The following SLCO5A1 variants were observed in gnomAD, a reference collection of about 807,000 sequenced individuals.
The protein encoded by SLCO5A1 is solute carrier organic anion transporter family member 5A1.
In SLCO5A1, 39 loss-of-function variants were observed where a neutral mutation model predicts 65.1. That is an observed-to-expected ratio of 0.60 (90% confidence interval 0.46 to 0.78). The LOEUF (loss-of-function observed/expected upper bound fraction) is 0.78, where lower values mean the gene tolerates loss of function less well. Ranked by LOEUF, SLCO5A1 falls within the 30% of genes least tolerant of loss-of-function variation. The pLI is 0.00. For missense variants in SLCO5A1, 1,029 were observed against 1,069.4 expected, an observed-to-expected ratio of 0.96 and a Z score of 0.53; for synonymous variants, 438 against 415.7, an observed-to-expected ratio of 1.05 and a Z score of -0.65.
At chr8:69,691,473 T>C (rs1354054758) in intron 6 of SLCO5A1, among the ~76,000 whole-genome samples, 3 of 152,204 alleles carry the variant, frequency 2.0e-5, no homozygotes, top group Non-Finnish European at 4.4e-5. Context: ...ATTAAAACTA[T>C]ATGGCTCCTG....
chr8:69,822,223 C>T (rs978436113), intron 2 of SLCO5A1, among the ~76,000 whole-genome samples: 21 of 152,156 alleles, frequency 1.4e-4, no homozygotes, highest in South Asian at 6.2e-4. Flanking sequence ...CCATACATTC[C>T]GCCACAGTCC....
intron 9 of SLCO5A1, 39 bp from the exon 10 acceptor site, chr8:69,673,365 A>G: frequency 6.5e-7 from 1 of 1,541,924 alleles, no homozygotes; most frequent in Non-Finnish European, 8.9e-7. Context: ...AAGACTTAGC[A>G]CATCTTCCAA....
chr8:69,807,393 A>G (rs1039449187), intron 2 of SLCO5A1, among the ~76,000 whole-genome samples: 10 of 152,198 alleles, frequency 6.6e-5, no homozygotes, highest in African/African-American at 2.4e-4. Context: ...TTTCAGATAT[A>G]CAATACATTA....
At chr8:69,807,505 A>G (rs1820045279) in intron 2 of SLCO5A1, among the ~76,000 whole-genome samples, 1 of 151,970 alleles carries the variant, frequency 6.6e-6, no homozygotes, top group Non-Finnish European at 1.5e-5. Flanking sequence ...CCTTTTCCCC[A>G]TCCACTTCTG....
At chr8:69,799,846 GA>G (rs1819660695) in intron 2 of SLCO5A1, among the ~76,000 whole-genome samples, 1 of 152,198 alleles carries the variant, frequency 6.6e-6, no homozygotes, top group South Asian at 2.1e-4. Context: ...AACATGTGGG[GA>G]TTAGGGGAAC....
At chr8:69,731,189 G>A (rs1181258132) in intron 5 of SLCO5A1, among the ~76,000 whole-genome samples, 11 of 152,080 alleles carry the variant, frequency 7.2e-5, no homozygotes, top group Non-Finnish European at 1.3e-4. Context: ...TTGTAGAGAC[G>A]GGGTTTCGCC....
intron 2 of SLCO5A1, among the ~76,000 whole-genome samples, chr8:69,813,801 C>A (rs1239464955): frequency 2.0e-5 from 3 of 152,170 alleles, no homozygotes; most frequent in African/African-American, 7.2e-5. Context: ...AAACCACTAG[C>A]CTTACTCCTT....
intron 6 of SLCO5A1, among the ~76,000 whole-genome samples, chr8:69,697,427 C>T (rs116862601): frequency 0.011 from 1,704 of 152,076 alleles, 13 homozygotes; most frequent in South Asian, 0.051. Context: ...CACAGCTCTA[C>T]GAACAGTGCC....
intron 2 of SLCO5A1, among the ~76,000 whole-genome samples, chr8:69,775,821 C>T (rs1325872457): frequency 1.3e-5 from 2 of 152,044 alleles, no homozygotes; most frequent in Non-Finnish European, 2.9e-5. Flanking sequence ...GGAGACCAAG[C>T]TGGGCGACAT....
chr8:69,723,691 A>T (rs1490045301), intron 5 of SLCO5A1, among the ~76,000 whole-genome samples: 1 of 152,166 alleles, frequency 6.6e-6, no homozygotes, highest in African/African-American at 2.4e-5. Context: ...GAAGCCAAGG[A>T]GAGTTGTAAA....
At chr8:69,779,183 TG>T (rs1391092645) in intron 2 of SLCO5A1, among the ~76,000 whole-genome samples, 1 of 152,180 alleles carries the variant, frequency 6.6e-6, no homozygotes, top group Non-Finnish European at 1.5e-5. Context: ...GCATTTACTG[TG>T]TTCCAGGTAT....
rs77870635 is a variant in SLCO5A1 at position 69,800,133 on chromosome 8, T to C, written c.907+31634A>G. 5.1e-4 allele frequency among the ~76,000 whole-genome samples: 77 copies of C among 152,222 alleles called. No individual in the cohort carries two copies. In the East Asian group the frequency reaches 8.9e-3, roughly 18 times the overall value. On this transcript the variant is annotated intron_variant, in intron 2 of 9. Coordinates refer to ENST00000260126, the MANE Select transcript of SLCO5A1 (RefSeq NM_030958.3). ...ATTTTACATTATTCTGCTGAACTTC[T>C]ACTTGAACTTTTTGTCATTTTTCTT...
At chr8:69,758,337 G>A (rs1355785494) in intron 3 of SLCO5A1, among the ~76,000 whole-genome samples, 1 of 151,952 alleles carries the variant, frequency 6.6e-6, no homozygotes, top group Non-Finnish European at 1.5e-5. Context: ...CAGGCGCAGT[G>A]GCTAATTTTT....
At chr8:69,711,170 G>A (rs1433457071) in intron 5 of SLCO5A1, among the ~76,000 whole-genome samples, 2 of 152,104 alleles carry the variant, frequency 1.3e-5, no homozygotes, top group African/African-American at 4.8e-5. Flanking sequence ...AAGATAAATA[G>A]AAAAGATGGG....
chr8:69,735,619 A>G (rs959987355), intron 5 of SLCO5A1, among the ~76,000 whole-genome samples: 2 of 152,164 alleles, frequency 1.3e-5, no homozygotes, highest in African/African-American at 2.4e-5. Context: ...GCTGAATGGT[A>G]AGAACACATA....
chr8:69,673,113 T>C lies in SLCO5A1; in HGVS notation c.2303A>G (p.Gln768Arg), dbSNP rs1167648403. ...YSIKYKEDGL[Q>R]RRRQREFPLS... ...GGGAAATTCTCTCTGCCTCCGCCTC[T>C]GCAGTCCATCCTCCTTGTATTTTAT... Residue 768 changes from glutamine to arginine, a missense_variant, in exon 10 of 10, where the codon CAG becomes CGG. Physicochemically the swap from Gln to Arg is conservative, Grantham distance 43 (BLOSUM62 1). Transcript: ENST00000260126. The C allele has an allele frequency of 1.9e-6, 3 of 1,614,250 alleles. No individual in the cohort carries two copies. Among genetic ancestry groups the C allele is most frequent in the Non-Finnish European group, 2.5e-6 (3 of 1,180,038 alleles).
At chr8:69,799,195 C>T (rs796639934) in intron 2 of SLCO5A1, among the ~76,000 whole-genome samples, 27 of 152,154 alleles carry the variant, frequency 1.8e-4, no homozygotes, top group African/African-American at 5.3e-4. Context: ...ACAAGTATTA[C>T]GTTATTGGAG....
intron 2 of SLCO5A1, among the ~76,000 whole-genome samples, chr8:69,831,478 A>G (rs530894222): frequency 1.7e-4 from 26 of 152,154 alleles, no homozygotes; most frequent in Non-Finnish European, 3.2e-4. Context: ...GAGCTTTTCC[A>G]TAGGTAGGTA....
At chr8:69,697,875 T>G (rs532184978) in intron 6 of SLCO5A1, among the ~76,000 whole-genome samples, 1 of 152,318 alleles carries the variant, frequency 6.6e-6, no homozygotes, top group East Asian at 1.9e-4. Flanking sequence ...TTTTTTAAAC[T>G]TATTTTAGGT....
Sources: gnomAD v4.1 joint callset for allele counts (sites outside exome capture counted in the v4.1 genomes callset) on GRCh38, gnomAD v4.1.1 for gene constraint, MANE v1.5 for transcripts, NCBI Gene and HGNC (gene_info 2026-07-23, HGNC 2026-07-21) for gene names.